Variants in PFKP observed in about 807,000 individuals in gnomAD.
The protein encoded by PFKP is ATP-dependent 6-phosphofructokinase, platelet type.
In PFKP, 101 loss-of-function variants were observed where a neutral mutation model predicts 94.3. The ratio of observed to expected loss-of-function variants is 1.07; its 90% confidence interval spans 0.91 to 1.26. The LOEUF (loss-of-function observed/expected upper bound fraction) is 1.26, where lower values mean the gene tolerates loss of function less well. PFKP is among the 50% of genes most tolerant of loss of function. The probability of loss-of-function intolerance (pLI) is 0.00; values close to 1 mark genes in which losing one functional copy is unlikely to be tolerated. For missense variants in PFKP, 1,145 were observed against 1,103.3 expected, an observed-to-expected ratio of 1.04 and a Z score of -0.53; for synonymous variants, 573 against 432.6, an observed-to-expected ratio of 1.32 and a Z score of -4.03.
chr10:3,079,684 A>G (rs953294607), intron 1 of PFKP, among the ~76,000 whole-genome samples: 32 of 92,958 alleles, frequency 3.4e-4, no homozygotes, highest in Admixed American at 6.1e-4. Flanking sequence ...GAAGAGGAGC[A>G]GGGGTGAGGG....
In PFKP at chr10:3,077,590, A is replaced by G. The variant is rs1369050109; in HGVS notation, c.113-4798A>G. ...CTATTCCTTACTTTTTAAAAAAAAA[A>G]TGCAATTTAGATTTTATCAGAGCAG... is the stretch of plus-strand genomic sequence containing the variant. On this transcript the variant is annotated intron_variant, in intron 1 of 21. Coordinates refer to ENST00000381125, the MANE Select transcript of PFKP (RefSeq NM_002627.5). 1.4e-4 allele frequency among the ~76,000 whole-genome samples: 21 copies of G among 151,946 alleles called. No individual in the cohort carries two copies. The East Asian group carries it at 3.9e-3, about 28-fold the overall frequency.
chr10:3,118,743 TG>T (rs1818634765), intron 14 of PFKP, 38 bp from the exon 15 acceptor site: 5 of 1,484,958 alleles, frequency 3.4e-6, no homozygotes, highest in Non-Finnish European at 4.7e-6. Flanking sequence ...GCGTGGAGTT[TG>T]GGGTGTCTGA....
chr10:3,105,566 C>A, intron 7 of PFKP, 65 bp downstream of exon 7: 1 of 1,145,508 alleles, frequency 8.7e-7, no homozygotes, highest in Non-Finnish European at 1.3e-6. Context: ...ATCAGGATCC[C>A]AAGTGGGACG....
At chr10:3,110,848 A>G (rs1836138396) in intron 10 of PFKP, among the ~76,000 whole-genome samples, 1 of 150,992 alleles carries the variant, frequency 6.6e-6, no homozygotes, top group African/African-American at 2.5e-5. Flanking sequence ...GTTTATATGC[A>G]TGAGTATGCA....
At chr10:3,104,107 C>T (rs1169939823) in intron 5 of PFKP, among the ~76,000 whole-genome samples, 163 bp downstream of exon 5, 1 of 152,198 alleles carries the variant, frequency 6.6e-6, no homozygotes, top group Non-Finnish European at 1.5e-5. Flanking sequence ...CTCTGGTCTA[C>T]TTTTCATTTT....
intron 2 of PFKP, among the ~76,000 whole-genome samples, chr10:3,097,427 A>C (rs1834580635): frequency 6.6e-6 from 1 of 151,986 alleles, no homozygotes; most frequent in Admixed American, 6.6e-5. Flanking sequence ...ACTGCAAGGG[A>C]AATCTGTTTT....
intron 19 of PFKP, among the ~76,000 whole-genome samples, chr10:3,133,780 CTTTTGTTGGTGAGGTTTGAGTAATGGGGA>C (rs966588992): frequency 5.9e-5 from 9 of 152,178 alleles, no homozygotes; most frequent in South Asian, 2.1e-4. Flanking sequence ...CTTTAGGATT[CTTTTGTTGGTGAGGTTTGAGTAATGGGGA>C]TTTTAAGGGA....
intron 16 of PFKP, among the ~76,000 whole-genome samples, chr10:3,123,405 C>T (rs1375283846): frequency 6.6e-6 from 1 of 152,208 alleles, no homozygotes; most frequent in East Asian, 1.9e-4. Context: ...TGAAGCTTCC[C>T]TTCCCTTTTT....
In PFKP at chr10:3,113,148, A is replaced by G. The variant is rs778926045; in HGVS notation, c.1184A>G (p.Lys395Arg). ...TTTGCGGGCAACCTGAACACCTACAAGCGACTTGCCATCAAGCTGCCGGAT... is the reference window on the plus strand; with the variant it reads ...TTTGCGGGCAACCTGAACACCTACAGGCGACTTGCCATCAAGCTGCCGGAT... ...RSFAGNLNTY[K>R]RLAIKLPDDQ... Residue 395 changes from lysine (K) to arginine (R), a missense_variant, in exon 12 of 22, where the codon AAG (lysine) becomes AGG (arginine). Physicochemically the swap from Lys to Arg is conservative, Grantham distance 26. This residue lies in a region of PFKP where 1,119 missense variants were observed against 1,062.8 expected (regional missense o/e 1.05). Transcript: ENST00000381125. 49 of 1,613,162 alleles carry G rather than the reference A, an allele frequency of 3.0e-5. No homozygotes were observed. Among genetic ancestry groups the G allele is most frequent in the Non-Finnish European group, 3.9e-5 (46 of 1,179,734 alleles).
chr10:3,077,776 G>A lies in PFKP; in HGVS notation c.113-4612G>A, dbSNP rs538145697. Among the ~76,000 whole-genome samples, 127 of 152,252 alleles carry A rather than the reference G, an allele frequency of 8.3e-4. 2 individuals carry two copies. The highest frequency in any genetic ancestry group is 3.0e-3 in the African/African-American group (125 of 41,552). Reference sequence around the variant, plus strand: ...CTGTGACTCTCTTACCTGCATTGTGGTTTAGTAAGAAGCTGTTAAAAAGTA... The same window carrying A: ...CTGTGACTCTCTTACCTGCATTGTGATTTAGTAAGAAGCTGTTAAAAAGTA... On this transcript the variant is annotated intron_variant, in intron 1 of 21. Transcript: ENST00000381125.
chr10:3,124,632 G>A (rs1228589871), intron 16 of PFKP, among the ~76,000 whole-genome samples: 3 of 152,340 alleles, frequency 2.0e-5, no homozygotes, highest in Admixed American at 1.3e-4. Context: ...GCCTCTGCAC[G>A]ATGAAGGCGG....
At chr10:3,072,622 A>G (rs1352322403) in intron 1 of PFKP, among the ~76,000 whole-genome samples, 5 of 152,120 alleles carry the variant, frequency 3.3e-5, no homozygotes, top group African/African-American at 7.2e-5. Context: ...TTTGTGTGCC[A>G]TACTCGAATG....
At chr10:3,116,727 T>G (rs1564329744) in intron 13 of PFKP, 49 bp from the exon 14 acceptor site, 1 of 1,408,630 alleles carries the variant, frequency 7.1e-7, no homozygotes, top group East Asian at 2.3e-5. Context: ...CTTTGCAACT[T>G]GCCTTTCATT....
At chr10:3,135,207 T>C (rs1291525258) in intron 20 of PFKP, among the ~76,000 whole-genome samples, 1 of 151,724 alleles carries the variant, frequency 6.6e-6, no homozygotes, top group Non-Finnish European at 1.5e-5. Context: ...CCCTCAGCTT[T>C]CTTAATCAGT....
chr10:3,099,236 T>C lies in PFKP; in HGVS notation c.187-39T>C, dbSNP rs369578831. 19 of 1,474,870 alleles carry C rather than the reference T, an allele frequency of 1.3e-5. No individual in the cohort carries two copies. In the African/African-American group the frequency reaches 1.9e-4, roughly 15 times the overall value. The allele number at this position is 1,474,870 out of a possible 1,614,324, so 91.4% of individuals were successfully genotyped here. A position where few individuals can be genotyped will look rare whatever the true frequency, so the allele number is the denominator to read the frequency against. ...AAGGATCACTTCCCATTTAGTGAAG[T>C]TTATCTCATTTTTAAAAGATTCTCC... On this transcript the variant is annotated intron_variant, in intron 2 of 21. Transcript: ENST00000381125.
At chr10:3,093,225 C>T (rs1270692318) in intron 2 of PFKP, among the ~76,000 whole-genome samples, 3 of 152,086 alleles carry the variant, frequency 2.0e-5, no homozygotes, top group Admixed American at 6.5e-5. Flanking sequence ...CTCACCCCTC[C>T]CATCCCTGAC....
At position 3,129,931 on chromosome 10, in the gene PFKP, G is replaced by C; in HGVS notation, c.1796G>C (p.Gly599Ala). Residue 599 changes from glycine (G) to alanine (A), a missense_variant, in exon 17 of 22, where the codon GGA becomes GCA. Around this residue, in one of 3 missense-constraint regions of PFKP, gnomAD observed 1,119 missense variants for 1,062.8 expected, o/e 1.05. Transcript: ENST00000381125. ...GCCAACATGGGGGGGCTCGCGGCCGGAGCTGATGCCGCATACATTTTCGAA... is the reference window on the plus strand; with the variant it reads ...GCCAACATGGGGGGGCTCGCGGCCGCAGCTGATGCCGCATACATTTTCGAA... ...YLANMGGLAA[G>A]ADAAYIFEEP... 6.2e-7 allele frequency: 1 copy of C among 1,609,020 alleles called. No individual in the cohort carries two copies. The highest frequency in any genetic ancestry group is 8.5e-7 in the Non-Finnish European group (1 of 1,177,366).
intron 1 of PFKP, among the ~76,000 whole-genome samples, chr10:3,073,866 C>T (rs1222472308): frequency 3.9e-5 from 6 of 152,054 alleles, no homozygotes; most frequent in Non-Finnish European, 7.4e-5. Context: ...GAGACGGGAT[C>T]TTGCCCTCTT....
At chr10:3,129,637 C>A in intron 16 of PFKP, 182 bp from the exon 17 acceptor site, 1 of 660,696 alleles carries the variant, frequency 1.5e-6, no homozygotes, top group East Asian at 2.8e-5. Context: ...CGGGGGACCA[C>A]GTTCACACCC....
Sources: allele counts gnomAD v4.1 joint callset (sites outside exome capture counted in the v4.1 genomes callset), GRCh38; gene constraint gnomAD v4.1.1; regional missense constraint gnomAD v4.1.1; transcripts MANE v1.5; gene names NCBI Gene and HGNC (gene_info 2026-07-23, HGNC 2026-07-21).